Variants in ZDHHC2 observed in about 807,000 individuals in gnomAD.
The protein encoded by ZDHHC2 is zDHHC palmitoyltransferase 2.
In ZDHHC2, 51 loss-of-function variants were observed where a neutral mutation model predicts 55.6. The ratio of observed to expected loss-of-function variants is 0.92; its 90% CI spans 0.73 to 1.16. The LOEUF is 1.16. ZDHHC2 is among the 50% of genes most tolerant of loss of function. ZDHHC2 has a pLI of 0.00. For synonymous variants in ZDHHC2, 199 were observed against 152.9 expected (o/e 1.30, Z -2.22); for missense variants, 491 against 442.4 (o/e 1.11, Z -0.99).
rs978381670 is a variant in ZDHHC2 at position 17,156,639 on chromosome 8, G to C, written c.-85G>C. On this transcript the variant is annotated 5_prime_UTR_variant, in exon 1 of 13. Coordinates refer to ENST00000262096, the MANE Select transcript of ZDHHC2 (RefSeq NM_016353.5). The stretch of plus-strand genomic sequence containing the variant: ...CCGCCGCCGCCCAGGAGCCCGTCCA[G>C]CCAGGGGTGCCGGGCCCGCCCAGCC... The C allele has an allele frequency of 1.9e-5, 20 of 1,077,116 alleles. No homozygotes were observed. The highest frequency in any genetic ancestry group is 1.6e-4 in the Admixed American group (3 of 19,272). 66.7% of individuals were successfully genotyped at this position (1,077,116 alleles called of 1,614,324 possible). A position where few individuals can be genotyped will look rare whatever the true frequency, so the allele number is the denominator to read the frequency against.
At position 17,194,770 on chromosome 8, in the gene ZDHHC2, T is replaced by C. The variant is rs1198717899; in HGVS notation, c.253-734T>C. Among the ~76,000 whole-genome samples, 3 of 152,344 alleles carry C rather than the reference T, an allele frequency of 2.0e-5. No individual in the cohort carries two copies. In the East Asian group the frequency reaches 5.8e-4, roughly 29 times the overall value. On this transcript the variant is annotated intron_variant, in intron 3 of 12. Coordinates refer to ENST00000262096, the MANE Select transcript of ZDHHC2 (RefSeq NM_016353.5). ...TATTTGGATATATCATACTCCAATT[T>C]ATCCATCATCCTTTTGATGTACATT...
chr8:17,204,008 ATGT>A (rs1187567893), intron 6 of ZDHHC2, among the ~76,000 whole-genome samples: 1 of 151,754 alleles, frequency 6.6e-6, no homozygotes, highest in Non-Finnish European at 1.5e-5. Context: ...GGGTTTCACC[ATGT>A]TGGCCAGGAT....
In ZDHHC2 at chr8:17,168,790, A is replaced by C. The variant is rs118063128; in HGVS notation, c.130+11937A>C. 3.5e-3 allele frequency among the ~76,000 whole-genome samples: 526 copies of C among 152,246 alleles called. 1 individual carries two copies. The highest frequency in any genetic ancestry group is 5.4e-3 in the Non-Finnish European group (368 of 68,028). On this transcript the variant is annotated intron_variant, in intron 1 of 12. Transcript: ENST00000262096. ...TTTATTTCACTTATGTAATATCTTC[A>C]GAGTTCACCTGTGTTGTAGCATGTG...
chr8:17,163,938 A>T (rs1355388192), intron 1 of ZDHHC2, among the ~76,000 whole-genome samples: 1 of 152,102 alleles, frequency 6.6e-6, no homozygotes, highest in African/African-American at 2.4e-5. Context: ...ATTGTTGAAA[A>T]TTTTTTCCTA....
chr8:17,180,851 CA>C (rs1319234508), intron 1 of ZDHHC2, among the ~76,000 whole-genome samples: 1 of 152,116 alleles, frequency 6.6e-6, no homozygotes, highest in African/African-American at 2.4e-5. Context: ...TAAAAAAGTA[CA>C]ATACTAAGGA....
intron 3 of ZDHHC2, among the ~76,000 whole-genome samples, chr8:17,194,252 G>A (rs1311138157): frequency 6.6e-6 from 1 of 151,316 alleles, no homozygotes; most frequent in African/African-American, 2.4e-5. Flanking sequence ...CTTTATAGTA[G>A]ATTCTTTCAC....
Position 17,156,682 on chromosome 8 carries a change from C to A in ZDHHC2, c.-42C>A. On this transcript the variant is annotated 5_prime_UTR_variant, in exon 1 of 13. Transcript: ENST00000262096. ...GCCCAGCCCGCCCCGGAGCCAGGCC[C>A]GCGGGCGGCGGCGGAGCTGGGCAGG... is the stretch of plus-strand genomic sequence containing the variant. 2 of 1,268,634 alleles carry A rather than the reference C, an allele frequency of 1.6e-6. No homozygotes were observed. The highest frequency in any genetic ancestry group is 4.2e-5 in the Admixed American group (1 of 23,992). The allele number at this position is 1,268,634 out of a possible 1,614,324, so 78.6% of individuals were successfully genotyped here. A position where few individuals can be genotyped will look rare whatever the true frequency, so the allele number is the denominator to read the frequency against.
Position 17,221,563 on chromosome 8 carries a change from T to G in ZDHHC2, c.*1342T>G, listed in dbSNP as rs1352160433. 1.3e-5 allele frequency: 2 copies of G among 152,374 alleles called. No individual in the cohort carries two copies. The highest frequency in any genetic ancestry group is 2.9e-5 in the Non-Finnish European group (2 of 67,958). 9.4% of individuals were successfully genotyped at this position (152,374 alleles called of 1,614,324 possible). ...CAAAGAGAAAATGGTAATAAACTTT[T>G]CAAAATCTTTGTTAAACCAAACATT... On this transcript the variant is annotated 3_prime_UTR_variant, in exon 13 of 13. Coordinates refer to ENST00000262096, the MANE Select transcript of ZDHHC2 (RefSeq NM_016353.5).
Position 17,200,364 on chromosome 8 carries a change from G to C in ZDHHC2, c.476+1951G>C, listed in dbSNP as rs558949939. Among the ~76,000 whole-genome samples, 10 of 152,334 alleles carry C rather than the reference G, an allele frequency of 6.6e-5. No homozygotes were observed. The South Asian group carries it at 1.2e-3, about 19-fold the overall frequency. On this transcript the variant is annotated intron_variant, in intron 6 of 12. Transcript: ENST00000262096. ...CGGTAAAAAATGCTTTATCCTTCCT[G>C]TCTCAAATGAACTGCATCCAAGTTC...
intron 3 of ZDHHC2, among the ~76,000 whole-genome samples, chr8:17,186,799 C>T (rs1365246571): frequency 6.6e-6 from 1 of 152,134 alleles, no homozygotes; most frequent in Non-Finnish European, 1.5e-5. Context: ...GAAACAACAA[C>T]AACAAAATAA....
At chr8:17,206,953 C>T (rs1172712435) in intron 7 of ZDHHC2, among the ~76,000 whole-genome samples, 1 of 152,204 alleles carries the variant, frequency 6.6e-6, no homozygotes, top group Non-Finnish European at 1.5e-5. Context: ...AAGAGACCTG[C>T]TGCTAACATT....
At chr8:17,175,780 T>C (rs1226052268) in intron 1 of ZDHHC2, among the ~76,000 whole-genome samples, 4 of 152,196 alleles carry the variant, frequency 2.6e-5, no homozygotes. Flanking sequence ...TTGTGTGAGA[T>C]GCTAAGAGAC....
At chr8:17,173,705 GA>G in intron 1 of ZDHHC2, among the ~76,000 whole-genome samples, 1 of 151,134 alleles carries the variant, frequency 6.6e-6, no homozygotes, top group African/African-American at 2.4e-5. Context: ...AAGAAAGAAA[GA>G]AAAAGAATTG....
chr8:17,183,561 A>T (rs1805543866), intron 1 of ZDHHC2, among the ~76,000 whole-genome samples: 1 of 152,206 alleles, frequency 6.6e-6, no homozygotes, highest in Non-Finnish European at 1.5e-5. Context: ...AGAACCTAGG[A>T]AGCATTTACA....
chr8:17,189,909 A>G (rs762761955), intron 3 of ZDHHC2, among the ~76,000 whole-genome samples: 7 of 152,168 alleles, frequency 4.6e-5, no homozygotes, highest in Admixed American at 2.0e-4. Context: ...ACATGAAACA[A>G]TTAAGGTATC....
chr8:17,186,202 T>C, intron 2 of ZDHHC2, 129 bp from the exon 3 acceptor site: 2 of 612,932 alleles, frequency 3.3e-6, no homozygotes, highest in Admixed American at 7.2e-5. Context: ...TAGTATAAAG[T>C]AAAGGAACTT....
intron 12 of ZDHHC2, among the ~76,000 whole-genome samples, chr8:17,219,791 CA>C (rs1001344584): frequency 6.6e-6 from 1 of 151,950 alleles, no homozygotes; most frequent in African/African-American, 2.4e-5. Context: ...AAAAACAAAA[CA>C]AAACAAAACA....
At chr8:17,177,562 T>C (rs1399006401) in intron 1 of ZDHHC2, among the ~76,000 whole-genome samples, 3 of 152,236 alleles carry the variant, frequency 2.0e-5, no homozygotes, top group Non-Finnish European at 2.9e-5. Flanking sequence ...TAAAATGATA[T>C]CATAAATGCT....
At chr8:17,173,429 A>C (rs1804965449) in intron 1 of ZDHHC2, among the ~76,000 whole-genome samples, 2 of 152,160 alleles carry the variant, frequency 1.3e-5, no homozygotes, top group Non-Finnish European at 2.9e-5. Flanking sequence ...TCATCCCAGC[A>C]CTTTGGGAGG....
Sources: allele counts gnomAD v4.1 joint callset (sites outside exome capture counted in the v4.1 genomes callset), GRCh38; gene constraint gnomAD v4.1.1; transcripts MANE v1.5; gene names NCBI Gene and HGNC (gene_info 2026-07-23, HGNC 2026-07-21).